The following FSTL4 variants were observed in gnomAD, a reference collection of about 807,000 sequenced individuals.
The protein encoded by FSTL4 is follistatin like 4.
Under a neutral mutation model 78.2 loss-of-function variants are expected in FSTL4, and 28 were observed. That is an observed-to-expected ratio of 0.36 (90% CI 0.27 to 0.49). The LOEUF is 0.49. Ranked by LOEUF, FSTL4 falls within the 20% of genes least tolerant of loss-of-function variation. FSTL4 has a pLI of 0.98. For synonymous variants in FSTL4, 422 were observed against 440.5 expected (o/e 0.96, Z 0.53); for missense variants, 922 against 1,084.9 (o/e 0.85, Z 2.11).
the FSTL4 span, among the ~76,000 whole-genome samples, chr5:133,682,542 C>G: frequency 5.3e-5 from 8 of 152,228 alleles, no homozygotes; most frequent in African/African-American, 1.7e-4. Context: ...GATGCCGCCC[C>G]TTTCCAGGCA....
intron 3 of FSTL4, among the ~76,000 whole-genome samples, chr5:133,550,681 G>A (rs982472947): frequency 6.6e-6 from 1 of 152,190 alleles, no homozygotes; most frequent in African/African-American, 2.4e-5. Flanking sequence ...CTTGTTCAAA[G>A]TAATATAACC....
At chr5:133,628,551 A>C in the FSTL4 span, among the ~76,000 whole-genome samples, 5 of 151,788 alleles carry the variant, frequency 3.3e-5, no homozygotes, top group African/African-American at 1.2e-4. Flanking sequence ...GTAGAGACAG[A>C]GTTTCTCCAT....
the FSTL4 span, among the ~76,000 whole-genome samples, chr5:133,830,147 T>G: frequency 1.3e-5 from 2 of 152,236 alleles, no homozygotes; most frequent in African/African-American, 4.8e-5. Context: ...GAGATAGTCA[T>G]AGCCCTGACC....
chr5:133,573,919 A>C (rs796219784), intron 2 of FSTL4, among the ~76,000 whole-genome samples: 14 of 152,382 alleles, frequency 9.2e-5, no homozygotes, highest in African/African-American at 3.4e-4. Context: ...GTAGAACTAC[A>C]TGTGAAAAGT....
intron 3 of FSTL4, among the ~76,000 whole-genome samples, chr5:133,449,560 T>C (rs1757339816): frequency 6.6e-6 from 1 of 152,080 alleles, no homozygotes. Flanking sequence ...GTGATCTCCA[T>C]GTGGGGAAAA....
At chr5:133,550,769 G>A (rs1379322200) in intron 3 of FSTL4, among the ~76,000 whole-genome samples, 4 of 152,204 alleles carry the variant, frequency 2.6e-5, no homozygotes, top group Non-Finnish European at 4.4e-5. Context: ...AACACAGAAG[G>A]AGACAACTCT....
the FSTL4 span, among the ~76,000 whole-genome samples, chr5:133,759,290 T>A: frequency 4.6e-5 from 7 of 152,212 alleles, no homozygotes; most frequent in East Asian, 1.3e-3. Flanking sequence ...TTAAAAAGAA[T>A]GCCAATACTC....
At chr5:133,267,115 C>T (rs911057693) in intron 6 of FSTL4, among the ~76,000 whole-genome samples, 3 of 151,994 alleles carry the variant, frequency 2.0e-5, no homozygotes, top group Non-Finnish European at 4.4e-5. Context: ...GGAGGAGGAA[C>T]GGTAGTAGGA....
At chr5:133,287,692 C>T (rs1753167477) in intron 6 of FSTL4, among the ~76,000 whole-genome samples, 1 of 152,228 alleles carries the variant, frequency 6.6e-6, no homozygotes, top group Admixed American at 6.5e-5. Flanking sequence ...CTGTGGTCCC[C>T]ACTGCCTCCT....
the FSTL4 span, among the ~76,000 whole-genome samples, chr5:133,841,392 A>T: frequency 6.6e-6 from 1 of 152,232 alleles, no homozygotes; most frequent in Non-Finnish European, 1.5e-5. Context: ...CGCACCCAGC[A>T]CCAAACTCTT....
At chr5:133,445,442 C>T (rs961273441) in intron 3 of FSTL4, among the ~76,000 whole-genome samples, 1 of 152,110 alleles carries the variant, frequency 6.6e-6, no homozygotes, top group African/African-American at 2.4e-5. Context: ...TGGGTCTGGC[C>T]TCGTCTGGGT....
chr5:133,332,472 G>T (rs898053230), intron 4 of FSTL4, among the ~76,000 whole-genome samples: 2 of 152,256 alleles, frequency 1.3e-5, no homozygotes, highest in Non-Finnish European at 2.9e-5. Flanking sequence ...AGTGTACACA[G>T]CTCAGAGAAC....
At chr5:133,379,944 T>A (rs10071817) in intron 4 of FSTL4, among the ~76,000 whole-genome samples, 24 of 151,808 alleles carry the variant, frequency 1.6e-4, no homozygotes, top group Non-Finnish European at 3.2e-4. Context: ...GTGTGGTGGC[T>A]TGCGCCTGTA....
chr5:133,327,429 C>G lies in FSTL4; in HGVS notation c.410-10777G>C, dbSNP rs1049667241. Among the ~76,000 whole-genome samples the G allele has an allele frequency of 1.1e-4, 17 of 152,276 alleles. No individual in the cohort carries two copies. In the East Asian group the frequency reaches 3.1e-3, roughly 28 times the overall value. ...TTTTAGCAAACATGCTTACCTTCCC[C>G]CTACCTGACAGGGCTCACTTGGCCA... On this transcript the variant is annotated intron_variant, in intron 4 of 15. Transcript: ENST00000265342.
At chr5:133,503,144 G>C (rs770239761) in intron 3 of FSTL4, among the ~76,000 whole-genome samples, 1 of 152,170 alleles carries the variant, frequency 6.6e-6, no homozygotes, top group Non-Finnish European at 1.5e-5. Flanking sequence ...CAAAATTAGA[G>C]ACTTTCCAGA....
intron 6 of FSTL4, among the ~76,000 whole-genome samples, chr5:133,251,585 C>A (rs1312751537): frequency 1.3e-5 from 2 of 152,110 alleles, no homozygotes; most frequent in Non-Finnish European, 2.9e-5. Context: ...CTTACCCCTC[C>A]CTAATTCCCT....
At chr5:133,317,828 T>G (rs1753946577) in intron 4 of FSTL4, among the ~76,000 whole-genome samples, 1 of 152,180 alleles carries the variant, frequency 6.6e-6, no homozygotes, top group Non-Finnish European at 1.5e-5. Context: ...TGGCACCCAG[T>G]AAGGGCTCAT....
chr5:133,761,449 A>G, the FSTL4 span, among the ~76,000 whole-genome samples: 1 of 152,256 alleles, frequency 6.6e-6, no homozygotes, highest in Admixed American at 6.5e-5. Flanking sequence ...TCATTCAATA[A>G]TACATAATTC....
chr5:133,206,872 A>C (rs2076807), intron 14 of FSTL4, among the ~76,000 whole-genome samples: 98,043 of 151,866 alleles, frequency 0.65, 32,610 homozygotes, highest in African/African-American at 0.79. Flanking sequence ...GGCTTTTAAG[A>C]CCCAAGAATT....
Sources: gnomAD v4.1 joint callset for allele counts (sites outside exome capture counted in the v4.1 genomes callset) on GRCh38, gnomAD v4.1.1 for gene constraint, MANE v1.5 for transcripts, NCBI Gene and HGNC (gene_info 2026-07-23, HGNC 2026-07-21) for gene names.